The following FUT8 variants were observed in gnomAD, a reference collection of about 807,000 sequenced individuals.
FUT8 encodes fucosyltransferase 8, also known as alpha-(1,6)-fucosyltransferase.
In FUT8, 29 loss-of-function variants were observed where a neutral mutation model predicts 71.3. The ratio of observed to expected loss-of-function variants is 0.41; its 90% confidence interval spans 0.30 to 0.55. The LOEUF is 0.55. FUT8 is among the 20% of genes least tolerant of loss of function. The pLI is 0.34. For synonymous variants in FUT8, 254 were observed against 239.3 expected (o/e 1.06, Z -0.57); for missense variants, 544 against 702.1 (o/e 0.77, Z 2.55).
At chr14:65,590,734 A>G (rs17753508) in intron 3 of FUT8, among the ~76,000 whole-genome samples, 19,887 of 152,136 alleles carry the variant, frequency 0.13, 1,738 homozygotes, top group Middle Eastern at 0.2. Context: ...TGCATAAACG[A>G]TTGTTTTTCT....
chr14:65,462,790 G>T (rs2065986183), intron 2 of FUT8, among the ~76,000 whole-genome samples: 1 of 152,194 alleles, frequency 6.6e-6, no homozygotes, highest in Non-Finnish European at 1.5e-5. Flanking sequence ...AATGAACAAT[G>T]ACTACATATT....
At chr14:65,672,411 C>G (rs1397930100) in intron 7 of FUT8, among the ~76,000 whole-genome samples, 1 of 152,068 alleles carries the variant, frequency 6.6e-6, no homozygotes, top group African/African-American at 2.4e-5. Context: ...GGGAATCTTG[C>G]CTTTATGTTT....
upstream of FUT8, among the ~76,000 whole-genome samples, chr14:65,407,801 G>A (rs1438740152): frequency 1.3e-5 from 2 of 152,146 alleles, no homozygotes; most frequent in African/African-American, 4.8e-5. Flanking sequence ...AATCTGCAAG[G>A]GTTTTCTATC....
At chr14:65,667,466 G>A (rs1407934106) in intron 6 of FUT8, among the ~76,000 whole-genome samples, 1 of 152,058 alleles carries the variant, frequency 6.6e-6, no homozygotes, top group Non-Finnish European at 1.5e-5. Context: ...CTGCTAACTA[G>A]GGAGGTGCAA....
intron 2 of FUT8, among the ~76,000 whole-genome samples, chr14:65,525,110 A>C (rs550676492): frequency 6.6e-6 from 1 of 152,034 alleles, no homozygotes; most frequent in Non-Finnish European, 1.5e-5. Context: ...CTCTTTTTCT[A>C]TTGATGGGAA....
chr14:65,631,812 C>T (rs1404034099), intron 6 of FUT8, among the ~76,000 whole-genome samples: 1 of 152,122 alleles, frequency 6.6e-6, no homozygotes, highest in Admixed American at 6.5e-5. Flanking sequence ...GAGCAGTATA[C>T]ACTGCACCCT....
At position 65,652,292 on chromosome 14, in the gene FUT8, C is replaced by T. The variant is rs1027025643; in HGVS notation, c.598-16951C>T. Among the ~76,000 whole-genome samples the T allele has an allele frequency of 2.6e-5, 4 of 152,200 alleles. No homozygotes were observed. The highest frequency in any genetic ancestry group is 1.9e-4 in the East Asian group (1 of 5,198). ...CCTAGCACCCTCCCTGTTTTGTATG[C>T]CCTCTGCTAGGATGGCTGTGCGATT... On this transcript the variant is annotated intron_variant, in intron 6 of 10. Coordinates refer to ENST00000673929, the MANE Select transcript of FUT8 (RefSeq NM_001371533.1). This position sits in a 1 kb window ranked among gnomAD's most constrained non-coding sequence, Gnocchi z 4.0.
chr14:65,632,312 T>C (rs1347977536), intron 6 of FUT8, among the ~76,000 whole-genome samples: 1 of 152,224 alleles, frequency 6.6e-6, no homozygotes, highest in Non-Finnish European at 1.5e-5. Context: ...CTGTTTTCCC[T>C]AGTGGCTGTG....
chr14:65,452,932 TA>T (rs1446082311), intron 1 of FUT8, among the ~76,000 whole-genome samples: 1 of 152,224 alleles, frequency 6.6e-6, no homozygotes, highest in African/African-American at 2.4e-5. Context: ...AGATATATAA[TA>T]ACTTTTAATG....
intron 2 of FUT8, among the ~76,000 whole-genome samples, chr14:65,545,842 TTG>T (rs1884958007): frequency 1.3e-5 from 2 of 151,854 alleles, no homozygotes; most frequent in South Asian, 4.1e-4. Flanking sequence ...TGTCTGAAAT[TTG>T]TGAAAAATAT....
intron 3 of FUT8, among the ~76,000 whole-genome samples, chr14:65,563,805 T>G (rs572573363): frequency 6.6e-6 from 1 of 152,200 alleles, no homozygotes; most frequent in African/African-American, 2.4e-5. Context: ...GGGTTTTTCT[T>G]TCTGCAAAAT....
intron 5 of FUT8, among the ~76,000 whole-genome samples, chr14:65,623,507 C>G (rs1889735345): frequency 2.0e-5 from 3 of 151,980 alleles, no homozygotes; most frequent in Admixed American, 2.0e-4. Flanking sequence ...TCACATGAGG[C>G]TGGGAGTTTG....
At chr14:65,461,611 T>G (rs1420243724) in intron 2 of FUT8, among the ~76,000 whole-genome samples, 1 of 152,162 alleles carries the variant, frequency 6.6e-6, no homozygotes, top group African/African-American at 2.4e-5. Flanking sequence ...GAAGTCAGAG[T>G]ACCTTAGTTC....
intron 3 of FUT8, among the ~76,000 whole-genome samples, chr14:65,611,607 TTA>T (rs1485918301): frequency 2.0e-5 from 3 of 152,100 alleles, no homozygotes; most frequent in African/African-American, 7.2e-5. Context: ...ATTTCAGACA[TTA>T]TAGTTTTCAT....
In FUT8 at chr14:65,616,373, G is replaced by A; in HGVS notation, c.482G>A (p.Arg161Lys). The A allele has an allele frequency of 6.4e-7, 1 of 1,563,890 alleles. No homozygotes were observed. The highest frequency in any genetic ancestry group is 1.2e-5 in the South Asian group (1 of 83,672). ...CTTTTGGATTTAGGACATCATGAAA[G>A]GTACTATTCTCCTTTCACATTTTAT... ...EFLLDLGHHERSIMTDLYYLS... is the reference protein window; with the variant it reads ...EFLLDLGHHEKSIMTDLYYLS... Residue 161 changes from arginine (R) to lysine (K), a missense_variant and splice_region_variant, in exon 5 of 11, where the codon AGG becomes AAG. Arg to Lys is a conservative substitution (Grantham distance 26). Transcript: ENST00000673929.
chr14:65,742,843 T>A lies in FUT8; in HGVS notation c.*433T>A, dbSNP rs1256700621. On this transcript the variant is annotated 3_prime_UTR_variant, in exon 11 of 11. Transcript: ENST00000673929. ...TACTCTGAGGAAGTTGATTCTTATT[T>A]GATGGTGGTATTGTGACCACTGAAT... is the stretch of plus-strand genomic sequence containing the variant. 6.3e-6 allele frequency: 1 copy of A among 157,898 alleles called. No individual in the cohort carries two copies. The highest frequency in any genetic ancestry group is 1.4e-5 in the Non-Finnish European group (1 of 70,950). The allele number at this position is 157,898 out of a possible 1,614,324, so 9.8% of individuals were successfully genotyped here.
chr14:65,487,584 A>C (rs1374592627), intron 2 of FUT8, among the ~76,000 whole-genome samples: 1 of 151,240 alleles, frequency 6.6e-6, no homozygotes, highest in African/African-American at 2.4e-5. Flanking sequence ...AAAAAAAAAA[A>C]ACTCAGTTTT....
rs1475352924 is a variant in FUT8 at position 65,603,869 on chromosome 14, A to G, written c.204-12109A>G. Among the ~76,000 whole-genome samples, 1 of 151,780 alleles carries G rather than the reference A, an allele frequency of 6.6e-6. No homozygotes were observed. Among genetic ancestry groups the G allele is most frequent in the Non-Finnish European group, 1.5e-5 (1 of 67,886 alleles). ...CCAAGCATCTGCTGCCTTCACCTAA[A>G]ACATAAGGATTGACATAAACTTAAG... On this transcript the variant is annotated intron_variant, in intron 3 of 10. Coordinates refer to ENST00000673929, the MANE Select transcript of FUT8 (RefSeq NM_001371533.1). The surrounding 1 kb of genome is among the most constrained non-coding windows in gnomAD (Gnocchi z 4.5).
rs576086931 is a variant in FUT8, at chr14:65,609,065, C to T, written c.204-6913C>T. ...ATCTCAGCACTTTGGGAAGCCAAGG[C>T]GGGTGGATCACCTGAGGTCAGGAGT... On this transcript the variant is annotated intron_variant, in intron 3 of 10. Transcript: ENST00000673929. 5.3e-5 allele frequency among the ~76,000 whole-genome samples: 8 copies of T among 151,824 alleles called. 1 individual carries two copies. Among genetic ancestry groups the T allele is most frequent in the South Asian group, 2.1e-4 (1 of 4,772 alleles).
Sources: gnomAD v4.1 joint callset for allele counts (sites outside exome capture counted in the v4.1 genomes callset) on GRCh38, gnomAD v4.1.1 for gene constraint, Gnocchi (gnomAD v3.1) non-coding constraint, MANE v1.5 for transcripts, NCBI Gene and HGNC (gene_info 2026-07-23, HGNC 2026-07-21) for gene names.